Variants in QSOX1 observed in about 807,000 individuals in gnomAD.
QSOX1 encodes the protein quiescin sulfhydryl oxidase 1.
In QSOX1, 40 loss-of-function variants were observed where a neutral mutation model predicts 76.1. The ratio of observed to expected loss-of-function variants is 0.53; its 90% confidence interval spans 0.41 to 0.68. The LOEUF is 0.68. QSOX1 is among the 30% of genes least tolerant of loss of function. The probability of loss-of-function intolerance (pLI) is 0.00; values close to 1 mark genes in which losing one functional copy is unlikely to be tolerated. For missense variants in QSOX1, 931 were observed against 974.3 expected (o/e 0.96, Z 0.59); for synonymous variants, 392 against 413.1 (o/e 0.95, Z 0.62).
rs6425612 is a variant in QSOX1 at position 180,199,103 on chromosome 1, A to C, written c.*2066A>C. The C allele has an allele frequency of 0.13, 19,185 of 152,168 alleles. 2,366 individuals carry two copies. The highest frequency in any genetic ancestry group is 0.32 in the African/African-American group (13,375 of 41,470). 9.4% of individuals were successfully genotyped at this position (152,168 alleles called of 1,614,324 possible). Reference sequence around the variant, plus strand: ...CGGAGTGGTGTGGACCTCCCACCTCACAGCTGCCTCTGGCAGCCAAGCCTC... The same window carrying C: ...CGGAGTGGTGTGGACCTCCCACCTCCCAGCTGCCTCTGGCAGCCAAGCCTC... On this transcript the variant is annotated 3_prime_UTR_variant, in exon 12 of 12. Coordinates refer to ENST00000367602, the MANE Select transcript of QSOX1 (RefSeq NM_002826.5).
At chr1:180,182,840 G>A (rs1188191649) in intron 6 of QSOX1, among the ~76,000 whole-genome samples, 1 of 152,214 alleles carries the variant, frequency 6.6e-6, no homozygotes, top group Non-Finnish European at 1.5e-5. Context: ...GTGCCTTGGT[G>A]CCCTCCCTGG....
intron 6 of QSOX1, among the ~76,000 whole-genome samples, chr1:180,182,626 G>A (rs1043893731): frequency 1.3e-5 from 2 of 152,080 alleles, no homozygotes; most frequent in Non-Finnish European, 2.9e-5. Flanking sequence ...TCTTCTGTTC[G>A]CAGGCAGACT....
chr1:180,173,917 C>A (rs529093295), intron 2 of QSOX1, among the ~76,000 whole-genome samples: 4 of 152,176 alleles, frequency 2.6e-5, no homozygotes, highest in Non-Finnish European at 5.9e-5. Context: ...CACAAAGGTT[C>A]GGAGCAGTTG....
intron 7 of QSOX1, among the ~76,000 whole-genome samples, chr1:180,184,949 G>A (rs1663137084): frequency 1.3e-5 from 2 of 152,142 alleles, no homozygotes; most frequent in African/African-American, 2.4e-5. Context: ...ATAATCATTC[G>A]ATCATTACAG....
chr1:180,175,234 A>G, intron 2 of QSOX1, 87 bp from the exon 3 acceptor site: 1 of 1,230,572 alleles, frequency 8.1e-7, no homozygotes, highest in Non-Finnish European at 1.2e-6. Context: ...CGCATTGAAT[A>G]AGTAGGCAGA....
At position 180,155,833 on chromosome 1, in the gene QSOX1, C is replaced by G. The variant is rs564019950; in HGVS notation, c.265+661C>G. Among the ~76,000 whole-genome samples, 12 of 152,322 alleles carry G rather than the reference C, an allele frequency of 7.9e-5. No individual in the cohort carries two copies. In the South Asian group the frequency reaches 1.7e-3, roughly 21 times the overall value. Reference sequence around the variant, plus strand: ...GGCCACATCCTTCTCTCTCTTCCCCCGCTCAGACCCTTATATTTTAAACCC... The same window carrying G: ...GGCCACATCCTTCTCTCTCTTCCCCGGCTCAGACCCTTATATTTTAAACCC... On this transcript the variant is annotated intron_variant, in intron 1 of 11. Transcript: ENST00000367602.
intron 1 of QSOX1, among the ~76,000 whole-genome samples, chr1:180,159,419 C>G (rs1662445801): frequency 6.6e-6 from 1 of 152,230 alleles, no homozygotes; most frequent in Non-Finnish European, 1.5e-5. Flanking sequence ...AGGACCTTCT[C>G]TATTCCATCT....
intron 8 of QSOX1, among the ~76,000 whole-genome samples, chr1:180,187,861 T>C (rs1663212689): frequency 1.3e-5 from 2 of 152,170 alleles, no homozygotes; most frequent in Admixed American, 1.3e-4. Flanking sequence ...TCTGTTTGGG[T>C]TTTGCCCGCA....
Position 180,197,740 on chromosome 1 carries a change from CT to C in QSOX1, c.*705del. On this transcript the variant is annotated 3_prime_UTR_variant, in exon 12 of 12. Coordinates refer to ENST00000367602, the MANE Select transcript of QSOX1 (RefSeq NM_002826.5). ...TGGGAAGGATGTGGGTCTCTAGTGC[CT>C]TGCCCTGGCTTAGCTGCAGGAGAAG... 1 of 286,634 alleles carries C rather than the reference CT, an allele frequency of 3.5e-6. No homozygotes were observed. Among genetic ancestry groups the C allele is most frequent in the Non-Finnish European group, 6.7e-6 (1 of 148,524 alleles). The allele number at this position is 286,634 out of a possible 1,614,324, so 17.8% of individuals were successfully genotyped here. A position where few individuals can be genotyped will look rare whatever the true frequency, so the allele number is the denominator to read the frequency against.
At position 180,198,902 on chromosome 1, in the gene QSOX1, C is replaced by T. The variant is rs1266205812; in HGVS notation, c.*1865C>T. On this transcript the variant is annotated 3_prime_UTR_variant, in exon 12 of 12. Transcript: ENST00000367602. ...AAGGCCGCTGAATAAGCCTGCCCTT[C>T]ACCCCCTAAGGGCTCCTTGCCCAAT... The T allele has an allele frequency of 6.1e-6, 1 of 163,122 alleles. No homozygotes were observed. Among genetic ancestry groups the T allele is most frequent in the Admixed American group, 5.6e-5 (1 of 17,706 alleles). 10.1% of individuals were successfully genotyped at this position (163,122 alleles called of 1,614,324 possible).
intron 2 of QSOX1, among the ~76,000 whole-genome samples, chr1:180,169,272 G>A (rs879395821): frequency 6.6e-6 from 1 of 152,226 alleles, no homozygotes; most frequent in Admixed American, 6.5e-5. Flanking sequence ...GGGCTTCTCC[G>A]TGGGCCTCAG....
chr1:180,196,816 T>C lies in QSOX1; in HGVS notation c.2023T>C (p.Ser675Pro). 1 of 1,611,216 alleles carries C rather than the reference T, an allele frequency of 6.2e-7. No homozygotes were observed. Residue 675 changes from serine (S) to proline (P), a missense_variant, in exon 12 of 12, where the codon TCC becomes CCC. Transcript: ENST00000367602. The surrounding 1 kb of genome is among the most constrained non-coding windows in gnomAD (Gnocchi z 4.1). ...PLEVRRVGRSSKQLVDIPEGQ... is the reference protein window; with the variant it reads ...PLEVRRVGRSPKQLVDIPEGQ... ...GGAGGTCAGGCGCGTGGGCCGCAGC[T>C]CCAAGCAGCTGGTCGACATCCCTGA... is the stretch of plus-strand genomic sequence containing the variant.
intron 1 of QSOX1, among the ~76,000 whole-genome samples, chr1:180,160,589 C>A (rs1271804756): frequency 6.6e-6 from 1 of 152,040 alleles, no homozygotes; most frequent in East Asian, 1.9e-4. Context: ...ACAGAAGCCA[C>A]TGATTGTGAA....
chr1:180,169,553 A>G (rs914568589), intron 2 of QSOX1, among the ~76,000 whole-genome samples: 5 of 152,222 alleles, frequency 3.3e-5, no homozygotes, highest in Admixed American at 6.5e-5. Flanking sequence ...ACCGTTGCCA[A>G]GTGTGAAGTG....
At chr1:180,185,053 A>G (rs941218337) in intron 7 of QSOX1, among the ~76,000 whole-genome samples, 1 of 152,172 alleles carries the variant, frequency 6.6e-6, no homozygotes, top group East Asian at 1.9e-4. Context: ...TCATTCAGTC[A>G]TGGGGCCACT....
intron 3 of QSOX1, 99 bp downstream of exon 3, chr1:180,175,465 C>T: frequency 7.4e-7 from 1 of 1,344,846 alleles, no homozygotes; most frequent in South Asian, 1.2e-5. Context: ...TGGCAGTCGG[C>T]AGGGTCGAGG....
rs534097865 is a variant in QSOX1, at chr1:180,157,718, C to T, written c.265+2546C>T. ...TCCCCTTTCTATTCCAGAGCAGCTC[C>T]GGTTGTCTCACTGTATGTTTTGGAA... On this transcript the variant is annotated intron_variant, in intron 1 of 11. Coordinates refer to ENST00000367602, the MANE Select transcript of QSOX1 (RefSeq NM_002826.5). 1.3e-4 allele frequency among the ~76,000 whole-genome samples: 20 copies of T among 152,262 alleles called. No individual in the cohort carries two copies. The South Asian group carries it at 3.1e-3, about 24-fold the overall frequency.
rs772824314 is a variant in QSOX1, at chr1:180,178,843, G to C, written c.565G>C (p.Ala189Pro). ...TGCGAGAAATAACGAAGAGTACCTG[G>C]CTCTGATCTTTGAAAAGGGAGGCTC... The part of the protein sequence containing the change: ...FFARNNEEYL[A>P]LIFEKGGSYL... Residue 189 changes from alanine (A) to proline (P), a missense_variant, in exon 5 of 12, where the codon GCT (alanine) becomes CCT (proline). Ala to Pro is a conservative substitution (Grantham distance 27). Coordinates refer to ENST00000367602, the MANE Select transcript of QSOX1 (RefSeq NM_002826.5). The C allele has an allele frequency of 1.2e-6, 2 of 1,613,896 alleles. No homozygotes were observed. Among genetic ancestry groups the C allele is most frequent in the African/African-American group, 1.3e-5 (1 of 74,934 alleles).
At position 180,202,330 on chromosome 1, in the gene QSOX1, T is replaced by C. The variant is rs1572060248; in HGVS notation, c.*5293T>C. 6.6e-6 allele frequency: 1 copy of C among 152,418 alleles called. No individual in the cohort carries two copies. The highest frequency in any genetic ancestry group is 1.9e-4 in the East Asian group (1 of 5,186). 9.4% of individuals were successfully genotyped at this position (152,418 alleles called of 1,614,324 possible). A position where few individuals can be genotyped will look rare whatever the true frequency, so the allele number is the denominator to read the frequency against. ...TTTCCTGGGGCTGCATGTTCTTCCA[T>C]AGGAAAGTGGGCTTCAGGTGCTGCC... On this transcript the variant is annotated 3_prime_UTR_variant, in exon 12 of 12. Coordinates refer to ENST00000367602, the MANE Select transcript of QSOX1 (RefSeq NM_002826.5).
Sources: gnomAD v4.1 joint callset for allele counts (sites outside exome capture counted in the v4.1 genomes callset) on GRCh38, gnomAD v4.1.1 for gene constraint, Gnocchi (gnomAD v3.1) non-coding constraint, MANE v1.5 for transcripts, NCBI Gene and HGNC (gene_info 2026-07-23, HGNC 2026-07-21) for gene names.